DGKI: variants seen among roughly 807,000 people sequenced by gnomAD.
The protein encoded by DGKI is diacylglycerol kinase iota, also known as DAG kinase iota.
DGKI carries 55 observed loss-of-function variants against 147.5 expected under a neutral mutation model. The ratio of observed to expected loss-of-function variants is 0.37; its 90% CI spans 0.30 to 0.47. DGKI has a LOEUF of 0.47. DGKI is among the 20% of genes least tolerant of loss of function. The pLI, the probability that DGKI is intolerant of heterozygous loss-of-function variation, is 1.00. For missense variants in DGKI, 1,007 were observed against 1,323.8 expected (o/e 0.76, Z 3.71); for synonymous variants, 469 against 477.1 (o/e 0.98, Z 0.22).
In DGKI at chr7:137,840,089, T is replaced by C. The variant is rs146001513; in HGVS notation, c.401+6373A>G. Among the ~76,000 whole-genome samples, 492 of 152,314 alleles carry C rather than the reference T, an allele frequency of 3.2e-3. 2 individuals are homozygous for C. Among genetic ancestry groups the C allele is most frequent in the Middle Eastern group, 0.017 (5 of 294 alleles). ...ATTTTCTCTAAAGTAACCCAAGCAGTGCTCATCCCTCCTCTCCCTAAACAC... is the reference window on the plus strand; with the variant it reads ...ATTTTCTCTAAAGTAACCCAAGCAGCGCTCATCCCTCCTCTCCCTAAACAC... On this transcript the variant is annotated intron_variant, in intron 1 of 32. Transcript: ENST00000614521.
intron 1 of DGKI, among the ~76,000 whole-genome samples, chr7:137,701,632 C>A (rs1364628695): frequency 6.6e-6 from 1 of 151,946 alleles, no homozygotes; most frequent in Non-Finnish European, 1.5e-5. Context: ...AGGACAGATA[C>A]AATAAAATAT....
intron 28 of DGKI, among the ~76,000 whole-genome samples, chr7:137,440,206 CT>C (rs1813444611): frequency 6.6e-6 from 1 of 152,212 alleles, no homozygotes; most frequent in Non-Finnish European, 1.5e-5. Context: ...CCAAGCTTAT[CT>C]TCTAACAAGG....
At chr7:137,606,102 GA>G (rs1028709300) in intron 10 of DGKI, among the ~76,000 whole-genome samples, 6 of 151,722 alleles carry the variant, frequency 4.0e-5, no homozygotes, top group African/African-American at 9.7e-5. Context: ...TATCAATTTA[GA>G]AAAAAAATTA....
intron 6 of DGKI, among the ~76,000 whole-genome samples, chr7:137,629,922 G>C (rs1198965150): frequency 1.3e-5 from 2 of 152,032 alleles, no homozygotes; most frequent in Non-Finnish European, 2.9e-5. Context: ...CAAAACTAGG[G>C]TTTATTTACC....
At chr7:137,827,545 C>A (rs1464731136) in intron 1 of DGKI, among the ~76,000 whole-genome samples, 1 of 152,220 alleles carries the variant, frequency 6.6e-6, no homozygotes, top group African/African-American at 2.4e-5. Flanking sequence ...ATCCTACCAA[C>A]TCTTTAAAGT....
intron 1 of DGKI, among the ~76,000 whole-genome samples, chr7:137,699,658 AC>A (rs2116503729): frequency 6.6e-6 from 1 of 152,316 alleles, no homozygotes; most frequent in African/African-American, 2.4e-5. Flanking sequence ...GCCTTTTGGG[AC>A]TTCAAAGAAA....
At chr7:137,803,969 C>T (rs1563205027) in intron 1 of DGKI, among the ~76,000 whole-genome samples, 1 of 152,176 alleles carries the variant, frequency 6.6e-6, no homozygotes, top group Non-Finnish European at 1.5e-5. Context: ...CAAGCATGCC[C>T]ACTTTGCACA....
chr7:137,636,703 G>C (rs532399446), intron 6 of DGKI, among the ~76,000 whole-genome samples: 1 of 152,234 alleles, frequency 6.6e-6, no homozygotes, highest in African/African-American at 2.4e-5. Context: ...TTGATCCCCA[G>C]TGTTGGAAGT....
chr7:137,798,961 A>AT (rs1797115325), intron 1 of DGKI, among the ~76,000 whole-genome samples: 1 of 152,184 alleles, frequency 6.6e-6, no homozygotes, highest in South Asian at 2.1e-4. Context: ...TCTGTCCATG[A>AT]TTAAAAACCA....
intron 1 of DGKI, among the ~76,000 whole-genome samples, chr7:137,788,817 G>A (rs1796758907): frequency 6.6e-6 from 1 of 152,114 alleles, no homozygotes; most frequent in African/African-American, 2.4e-5. Context: ...GTGCCCCTGT[G>A]TAAGCATTTA....
chr7:137,505,711 C>CAAA (rs34646057), intron 21 of DGKI, among the ~76,000 whole-genome samples: 11 of 61,688 alleles, frequency 1.8e-4, no homozygotes, highest in East Asian at 5.2e-4. Flanking sequence ...ATAAGAGATG[C>CAAA]AAAAAAAAAA....
At chr7:137,504,837 A>C (rs967773714) in intron 21 of DGKI, among the ~76,000 whole-genome samples, 1 of 152,178 alleles carries the variant, frequency 6.6e-6, no homozygotes, top group Non-Finnish European at 1.5e-5. Flanking sequence ...TTTAGATACA[A>C]CACCAAAAGC....
chr7:137,756,984 T>C (rs184639927), intron 1 of DGKI, among the ~76,000 whole-genome samples: 81 of 152,348 alleles, frequency 5.3e-4, no homozygotes, highest in South Asian at 8.3e-4. Context: ...GGTATATAAC[T>C]GTTTGGTTAT....
chr7:137,508,219 CTTTTTTTTTTT>C (rs1171968411), intron 21 of DGKI, among the ~76,000 whole-genome samples: 20 of 92,530 alleles, frequency 2.2e-4, no homozygotes, highest in Admixed American at 2.0e-3. Flanking sequence ...AGACAGGTTT[CTTTTTTTTTTT>C]TTTTTTTTTT....
At chr7:137,426,358 T>C (rs1193151889) in intron 28 of DGKI, among the ~76,000 whole-genome samples, 2 of 152,114 alleles carry the variant, frequency 1.3e-5, no homozygotes, top group African/African-American at 4.8e-5. Context: ...CTGAGAGATT[T>C]TGTCACCAGC....
Position 137,846,568 on chromosome 7 carries a change from C to A in DGKI, c.295G>T (p.Gly99Trp), listed in dbSNP as rs1453450596. 17 of 1,398,740 alleles carry A rather than the reference C, an allele frequency of 1.2e-5. No individual in the cohort carries two copies. Among genetic ancestry groups the A allele is most frequent in the Non-Finnish European group, 1.5e-5 (16 of 1,072,044 alleles). The allele number at this position is 1,398,740 out of a possible 1,614,324, so 86.6% of individuals were successfully genotyped here. The change falls in exon 1 of 33, where the codon GGG becomes TGG. Residue 99 changes from glycine to tryptophan, a missense_variant. Physicochemically the swap from Gly to Trp is radical, Grantham distance 184. Coordinates refer to ENST00000614521, the MANE Select transcript of DGKI (RefSeq NM_001321708.2). The surrounding 1 kb of genome is among the most constrained non-coding windows in gnomAD (Gnocchi z 4.0). Reference sequence around the variant, plus strand: ...GCGGGCTCGTCCAGGGCAGCGGCCCCCGCCGCCGCGGCTGACCCTGCGCCC... The same window carrying A: ...GCGGGCTCGTCCAGGGCAGCGGCCCACGCCGCCGCGGCTGACCCTGCGCCC... ...PRGAGSAAAA[G>W]AAALDEPAAA... is the part of the protein sequence containing the mutation.
chr7:137,633,083 A>G (rs573797464), intron 6 of DGKI, among the ~76,000 whole-genome samples: 11 of 151,994 alleles, frequency 7.2e-5, no homozygotes, highest in African/African-American at 2.4e-4. Flanking sequence ...GTGGTGACGC[A>G]TGCCCATAAT....
chr7:137,679,381 T>C (rs1196351313), intron 2 of DGKI, among the ~76,000 whole-genome samples: 2 of 151,234 alleles, frequency 1.3e-5, no homozygotes, highest in Admixed American at 6.6e-5. Context: ...TAGTGCGGTA[T>C]TGGGGAAAGG....
chr7:137,580,861 T>C (rs187555454), intron 15 of DGKI, among the ~76,000 whole-genome samples: 77 of 152,204 alleles, frequency 5.1e-4, no homozygotes, highest in Admixed American at 3.5e-3. Context: ...CTTTCTTACA[T>C]AACCTGGAGG....
Sources: gnomAD v4.1 joint callset for allele counts (sites outside exome capture counted in the v4.1 genomes callset) on GRCh38, gnomAD v4.1.1 for gene constraint, Gnocchi (gnomAD v3.1) non-coding constraint, MANE v1.5 for transcripts, NCBI Gene and HGNC (gene_info 2026-07-23, HGNC 2026-07-21) for gene names.